The following CSF1R variants were observed in gnomAD, a reference collection of about 807,000 sequenced individuals.
CSF1R encodes colony stimulating factor 1 receptor, also known as macrophage colony-stimulating factor 1 receptor.
A neutral mutation model predicts 110.0 loss-of-function variants in CSF1R; 40 were observed. The observed-to-expected ratio is 0.36, with a 90% CI of 0.28 to 0.47. CSF1R has a LOEUF of 0.47. Among genes scored for constraint, CSF1R ranks in the 20% least tolerant of loss-of-function variants. The pLI, the probability that CSF1R is intolerant of heterozygous loss-of-function variation, is 0.99. For missense variants in CSF1R, 1,052 were observed against 1,253.0 expected (o/e 0.84, Z 2.42); for synonymous variants, 523 against 503.4 (o/e 1.04, Z -0.52).
intron 5 of CSF1R, 125 bp from the exon 6 acceptor site, chr5:150,073,618 C>T (rs992987067): frequency 2.3e-6 from 2 of 888,860 alleles, no homozygotes; most frequent in African/African-American, 1.7e-5. Context: ...TAGTCCCCAC[C>T]ACCCAAGACA....
At chr5:150,090,515 A>G (rs1341372432), upstream of CSF1R, among the ~76,000 whole-genome samples, 1 of 152,134 alleles carries the variant, frequency 6.6e-6, no homozygotes, top group Non-Finnish European at 1.5e-5. Flanking sequence ...CTTTTCCACA[A>G]TGTCTTTGTG....
intron 10 of CSF1R, among the ~76,000 whole-genome samples, chr5:150,065,252 G>A (rs914966693): frequency 2.0e-5 from 3 of 152,132 alleles, no homozygotes; most frequent in African/African-American, 7.2e-5. Context: ...TCCCAGGAAG[G>A]TGGAGATCTG....
rs11949430 is a variant in CSF1R at position 150,082,053 on chromosome 5, G to A, written c.50-1029C>T. Reference sequence around the variant, plus strand: ...CGCTCAGCCTGTGGCCCTTCTACAGGGATGTTCTCACTTCTGCTTCCCCAG... The same window carrying A: ...CGCTCAGCCTGTGGCCCTTCTACAGAGATGTTCTCACTTCTGCTTCCCCAG... On this transcript the variant is annotated intron_variant, in intron 1 of 20. Coordinates refer to ENST00000675795, the MANE Select transcript of CSF1R (RefSeq NM_001288705.3). Among the ~76,000 whole-genome samples, 746 of 152,268 alleles carry A rather than the reference G, an allele frequency of 4.9e-3. 5 individuals carry two copies. Among genetic ancestry groups the A allele is most frequent in the African/African-American group, 0.017 (699 of 41,534 alleles).
At chr5:150,108,908 C>G (rs1364893545) in intron 1 of CSF1R, among the ~76,000 whole-genome samples, 2 of 152,110 alleles carry the variant, frequency 1.3e-5, no homozygotes, top group East Asian at 3.9e-4. Context: ...TACAGGGAGA[C>G]AGTTCGGCTT....
chr5:150,099,961 C>A (rs1201171559), intron 1 of CSF1R, among the ~76,000 whole-genome samples: 1 of 152,130 alleles, frequency 6.6e-6, no homozygotes, highest in Non-Finnish European at 1.5e-5. Flanking sequence ...AAAGGGAAGT[C>A]TTTCTATAAT....
chr5:150,109,062 C>CCCCCCCT (rs1554106345), intron 1 of CSF1R, among the ~76,000 whole-genome samples: 1 of 121,206 alleles, frequency 8.3e-6, no homozygotes, highest in Non-Finnish European at 1.9e-5. Flanking sequence ...AAGCCCGCCC[C>CCCCCCCT]CCCCCCACCA....
intron 5 of CSF1R, among the ~76,000 whole-genome samples, chr5:150,073,941 C>A (rs1221321175): frequency 6.6e-6 from 1 of 152,200 alleles, no homozygotes; most frequent in East Asian, 1.9e-4. Context: ...CCCAGGCCAA[C>A]CAGTGAGGGT....
At chr5:150,056,915 G>A (rs951211317) in intron 16 of CSF1R, among the ~76,000 whole-genome samples, 6 of 152,218 alleles carry the variant, frequency 3.9e-5, no homozygotes, top group East Asian at 1.9e-4. Context: ...TAGGCCGAGC[G>A]CACTTTATAC....
At chr5:150,090,963 C>T (rs1430684721), upstream of CSF1R, among the ~76,000 whole-genome samples, 2 of 152,134 alleles carry the variant, frequency 1.3e-5, no homozygotes, top group Non-Finnish European at 2.9e-5. Context: ...CACATCTACT[C>T]CCGAGTCTAA....
intron 20 of CSF1R, 27 bp downstream of exon 20, chr5:150,054,295 A>C (rs750435305): frequency 5.6e-6 from 9 of 1,613,848 alleles, no homozygotes; most frequent in Non-Finnish European, 6.8e-6. Context: ...TTTACCGGCC[A>C]CCCACCCCAA....
chr5:150,104,216 G>A (rs1310338030), intron 1 of CSF1R, among the ~76,000 whole-genome samples: 1 of 152,220 alleles, frequency 6.6e-6, no homozygotes, highest in Non-Finnish European at 1.5e-5. Flanking sequence ...GACCCAGGCT[G>A]GCAGAGACCC....
intron 1 of CSF1R, among the ~76,000 whole-genome samples, chr5:150,107,629 C>T (rs1313332128): frequency 6.6e-6 from 1 of 152,224 alleles, no homozygotes; most frequent in Admixed American, 6.5e-5. Context: ...AGAGCCAGAG[C>T]CCACATGTTC....
intron 1 of CSF1R, among the ~76,000 whole-genome samples, chr5:150,101,216 C>T (rs1759393388): frequency 6.6e-6 from 1 of 152,224 alleles, no homozygotes; most frequent in Admixed American, 6.5e-5. Context: ...CATGTTTCTC[C>T]TTGCCTGCGG....
chr5:150,071,466 A>G (rs778740466), intron 6 of CSF1R, among the ~76,000 whole-genome samples: 3 of 152,236 alleles, frequency 2.0e-5, no homozygotes, highest in African/African-American at 4.8e-5. Context: ...ACTAAAATCT[A>G]TGGTATTCAG....
rs989462940 is a variant in CSF1R, at chr5:150,061,402, G to A, written c.1858+89C>T. The A allele has an allele frequency of 6.1e-6, 7 of 1,154,978 alleles. No individual in the cohort carries two copies. In the African/African-American group the frequency reaches 9.1e-5, roughly 15 times the overall value. The allele number at this position is 1,154,978 out of a possible 1,614,324, so 71.5% of individuals were successfully genotyped here. On this transcript the variant is annotated intron_variant, in intron 12 of 20. Coordinates refer to ENST00000675795, the MANE Select transcript of CSF1R (RefSeq NM_001288705.3). Reference sequence around the variant, plus strand: ...CCCCCAGGCTTCAACAGGTTGAAATGTGTGTGATGCCTCTTGTGACACCAG... The same window carrying A: ...CCCCCAGGCTTCAACAGGTTGAAATATGTGTGATGCCTCTTGTGACACCAG...
chr5:150,082,259 G>A (rs1758584685), intron 1 of CSF1R, among the ~76,000 whole-genome samples: 1 of 152,224 alleles, frequency 6.6e-6, no homozygotes, highest in African/African-American at 2.4e-5. Context: ...GGCTTTCGGT[G>A]AATTCAGGGT....
Position 150,077,360 on chromosome 5 carries a change from C to A in CSF1R, c.805G>T (p.Asp269Tyr), listed in dbSNP as rs747958886. The change falls in exon 5 of 21, where the codon GAT becomes TAT. Residue 269 changes from aspartate to tyrosine, a missense_variant. This residue lies in a region of CSF1R where 693 missense variants were observed against 735.4 expected (regional missense o/e 0.94). Coordinates refer to ENST00000675795, the MANE Select transcript of CSF1R (RefSeq NM_001288705.3). ...GAGTAGTTGCCGGCATGTTGGAAAT[C>A]TACTTGATCGAGGTTGAGGGTCAGG... ...KVLTLNLDQV[D>Y]FQHAGNYSCV... 1 of 1,614,216 alleles carries A rather than the reference C, an allele frequency of 6.2e-7. No homozygotes were observed. Among genetic ancestry groups the A allele is most frequent in the Admixed American group, 1.7e-5 (1 of 60,022 alleles).
rs11952821 is a variant in CSF1R at position 150,060,771 on chromosome 5, G to A, written c.1969+91C>T. ...CTGACACTTGGAGCAGTAGGATCCT[G>A]AGAAGGAGAAGACGGAACAAGGTAG... On this transcript the variant is annotated intron_variant, in intron 13 of 20. Transcript: ENST00000675795. 6,964 of 774,690 alleles carry A rather than the reference G, an allele frequency of 9.0e-3. 369 individuals are homozygous for A. In the African/African-American group the frequency reaches 0.11, roughly 12 times the overall value. 48.0% of individuals were successfully genotyped at this position (774,690 alleles called of 1,614,324 possible). A position where few individuals can be genotyped will look rare whatever the true frequency, so the allele number is the denominator to read the frequency against.
At chr5:150,095,646 G>T (rs575520509) in intron 1 of CSF1R, among the ~76,000 whole-genome samples, 1 of 151,304 alleles carries the variant, frequency 6.6e-6, no homozygotes, top group South Asian at 2.1e-4. Flanking sequence ...CAAATTGACC[G>T]TAGGAAGGAA....
Sources: allele counts gnomAD v4.1 joint callset (sites outside exome capture counted in the v4.1 genomes callset), GRCh38; gene constraint gnomAD v4.1.1; regional missense constraint gnomAD v4.1.1; transcripts MANE v1.5; gene names NCBI Gene and HGNC (gene_info 2026-07-23, HGNC 2026-07-21).